The following DNAJC27 variants were observed in gnomAD, a reference collection of about 807,000 sequenced individuals.
DNAJC27 encodes the protein DnaJ heat shock protein family (Hsp40) member C27.
In DNAJC27, 25 loss-of-function variants were observed where a neutral mutation model predicts 31.4. The observed-to-expected ratio is 0.80, with a 90% CI of 0.58 to 1.11. The LOEUF (loss-of-function observed/expected upper bound fraction) is 1.11, where lower values mean the gene tolerates loss of function less well. Ranked by LOEUF, DNAJC27 falls within the 50% of genes most tolerant of loss-of-function variation. The pLI is 0.00. For missense variants in DNAJC27, 356 were observed against 347.3 expected, an observed-to-expected ratio of 1.02 and a Z score of -0.20; for synonymous variants, 106 against 112.7, an observed-to-expected ratio of 0.94 and a Z score of 0.37.
At chr2:24,963,528 C>A in intron 2 of DNAJC27, 54 bp from the exon 3 acceptor site, 2 of 1,422,738 alleles carry the variant, frequency 1.4e-6, no homozygotes, top group South Asian at 1.2e-5. Context: ...TCTCCATTTA[C>A]CTTAATATCA....
rs756103722 is a variant in DNAJC27, at chr2:24,951,486, A to C, written c.597T>G (p.Ala199=). The change falls in exon 6 of 7, where the codon GCT becomes GCG. Residue 199 remains alanine, a synonymous_variant. Transcript: ENST00000264711. ...CATCTGCTTGTTCTTTGGTGAAACT[A>C]GCACTGCTATTGGTGGTAGGGCGTT... ...GGKRPTTNSS[A]SFTKEQADAI... 3.7e-6 allele frequency: 6 copies of C among 1,613,924 alleles called. No homozygotes were observed. The highest frequency in any genetic ancestry group is 5.1e-6 in the Non-Finnish European group (6 of 1,179,876).
intron 5 of DNAJC27, 129 bp from the exon 6 acceptor site, chr2:24,951,683 C>G (rs968433649): frequency 3.6e-6 from 2 of 561,140 alleles, no homozygotes; most frequent in Non-Finnish European, 2.7e-6. Context: ...AGCAAATACA[C>G]ACTTTGGAAG....
At chr2:24,962,306 G>C (rs553207506) in intron 3 of DNAJC27, among the ~76,000 whole-genome samples, 1 of 151,802 alleles carries the variant, frequency 6.6e-6, no homozygotes, top group South Asian at 2.1e-4. Context: ...TTTCACCCAG[G>C]CTGGAGTGAA....
intron 6 of DNAJC27, among the ~76,000 whole-genome samples, chr2:24,950,121 ACT>A (rs1186348915): frequency 6.6e-6 from 1 of 151,514 alleles, no homozygotes; most frequent in Non-Finnish European, 1.5e-5. Context: ...ATCCCGATAA[ACT>A]CTGTGCCCTA....
At chr2:24,949,947 T>G (rs1665727949) in intron 6 of DNAJC27, among the ~76,000 whole-genome samples, 1 of 151,664 alleles carries the variant, frequency 6.6e-6, no homozygotes, top group African/African-American at 2.4e-5. Context: ...TTTTTTTTTT[T>G]TCATAAATGG....
At position 24,958,602 on chromosome 2, in the gene DNAJC27, C is replaced by G. The variant is rs1176192871; in HGVS notation, c.241-628G>C. On this transcript the variant is annotated intron_variant, in intron 3 of 6. Transcript: ENST00000264711. The stretch of plus-strand genomic sequence containing the variant: ...CCTCTCTGCGTCTCAGTTTCCTCAT[C>G]TGTAAAATGGGGATAATACTACTTA... The G allele has an allele frequency of 9.7e-6, 4 of 410,976 alleles. No individual in the cohort carries two copies. In the Admixed American group the frequency reaches 1.0e-4, roughly 11 times the overall value. The allele number at this position is 410,976 out of a possible 1,614,324, so 25.5% of individuals were successfully genotyped here.
rs1010899623 is a variant in DNAJC27 at position 24,944,242 on chromosome 2, G to A, written c.*3374C>T. Reference sequence around the variant, plus strand: ...TGGAATTAGTTGTAAGACGCGCACTGTCACTGTCAAAGGCAACAAGCACAT... The same window carrying A: ...TGGAATTAGTTGTAAGACGCGCACTATCACTGTCAAAGGCAACAAGCACAT... On this transcript the variant is annotated 3_prime_UTR_variant, in exon 7 of 7. Transcript: ENST00000264711. The A allele has an allele frequency of 6.6e-6, 1 of 152,110 alleles. No individual in the cohort carries two copies. Among genetic ancestry groups the A allele is most frequent in the African/African-American group, 2.4e-5 (1 of 41,404 alleles). The allele number at this position is 152,110 out of a possible 1,614,324, so 9.4% of individuals were successfully genotyped here.
chr2:24,969,454 G>A (rs190143167), intron 1 of DNAJC27: 4 of 184,254 alleles, frequency 2.2e-5, no homozygotes, highest in Admixed American at 6.2e-5. Context: ...AACTGTGAAC[G>A]TTGAAAAACC....
Position 24,963,431 on chromosome 2 carries a change from T to C in DNAJC27, c.214A>G (p.Met72Val). 1.9e-6 allele frequency: 3 copies of C among 1,613,936 alleles called. No homozygotes were observed. Among genetic ancestry groups the C allele is most frequent in the Non-Finnish European group, 2.5e-6 (3 of 1,179,854 alleles). Residue 72 changes from methionine (M) to valine (V), a missense_variant, in exon 3 of 7, where the codon ATG becomes GTG. Met to Val is a conservative substitution (Grantham distance 21). Coordinates refer to ENST00000264711, the MANE Select transcript of DNAJC27 (RefSeq NM_016544.3). ...DREIKVNIFD[M>V]AGHPFFYEVR... ...TCATAGAAGAAGGGATGTCCAGCCA[T>C]ATCAAAGATGTTAACTTTGATTTCT...
chr2:24,969,764 C>A (rs1398701752), intron 1 of DNAJC27, among the ~76,000 whole-genome samples: 1 of 152,224 alleles, frequency 6.6e-6, no homozygotes, highest in Non-Finnish European at 1.5e-5. Flanking sequence ...CAGGCGTGAG[C>A]CACTGCGCCC....
At chr2:24,962,971 A>ATCAAGTAGT (rs1666085820) in intron 3 of DNAJC27, 1 of 153,444 alleles carries the variant, frequency 6.5e-6, no homozygotes, top group African/African-American at 2.4e-5. Flanking sequence ...ATGAAAATAA[A>ATCAAGTAGT]TCAAGTAGTT....
At chr2:24,958,061 T>C (rs112617303) in intron 3 of DNAJC27, 87 bp from the exon 4 acceptor site, 15 of 1,247,076 alleles carry the variant, frequency 1.2e-5, no homozygotes, top group Middle Eastern at 2.0e-4. Context: ...GCAAAGTGTG[T>C]TCTTTTGTGT....
chr2:24,969,747 AG>A (rs1484520524), intron 1 of DNAJC27, among the ~76,000 whole-genome samples: 5 of 152,322 alleles, frequency 3.3e-5, no homozygotes, highest in Middle Eastern at 3.4e-3. Flanking sequence ...CCAAAGTGCT[AG>A]AATTACAGGC....
intron 6 of DNAJC27, among the ~76,000 whole-genome samples, chr2:24,948,072 A>G (rs1363185467): frequency 6.6e-6 from 1 of 152,200 alleles, no homozygotes; most frequent in Admixed American, 6.5e-5. Context: ...GATTGAAAGA[A>G]TAAGGGCTTG....
chr2:24,972,057 C>G (rs1666361046), upstream of DNAJC27: 9 of 568,550 alleles, frequency 1.6e-5, no homozygotes, highest in South Asian at 2.3e-4. Context: ...GCAGCAGGCG[C>G]GGGCGGTTGG....
rs1319890734 is a variant in DNAJC27, at chr2:24,957,907, G to A, written c.308C>T (p.Ser103Phe). Reference protein sequence around the residue: ...ILVYDVGQKDSFDALDAWLAE... With the variant: ...ILVYDVGQKDFFDALDAWLAE... ...CAGCCACGCATCAAGGGCGTCAAAG[G>A]AGTCTTTCTGCCCAACATCATAGAC... Residue 103 changes from serine to phenylalanine, a missense_variant, in exon 4 of 7, where the codon TCC becomes TTC. Physicochemically the swap from Ser to Phe is radical, Grantham distance 155. Coordinates refer to ENST00000264711, the MANE Select transcript of DNAJC27 (RefSeq NM_016544.3). 8 of 1,614,112 alleles carry A rather than the reference G, an allele frequency of 5.0e-6. No individual in the cohort carries two copies. Among genetic ancestry groups the A allele is most frequent in the Non-Finnish European group, 5.9e-6 (7 of 1,179,982 alleles).
At chr2:24,972,071 C>G, upstream of DNAJC27, 1 of 507,198 alleles carries the variant, frequency 2.0e-6, no homozygotes, top group South Asian at 2.7e-5. Flanking sequence ...CGGTTGGGAG[C>G]GTGGGGAGCC....
In DNAJC27 at chr2:24,947,547, T is replaced by C. The variant is rs1158191105; in HGVS notation, c.*69A>G. The C allele has an allele frequency of 3.3e-6, 5 of 1,523,498 alleles. No individual in the cohort carries two copies. The highest frequency in any genetic ancestry group is 1.3e-5 in the South Asian group (1 of 79,838). 94.4% of individuals were successfully genotyped at this position (1,523,498 alleles called of 1,614,324 possible). A position where few individuals can be genotyped will look rare whatever the true frequency, so the allele number is the denominator to read the frequency against. On this transcript the variant is annotated 3_prime_UTR_variant, in exon 7 of 7. Coordinates refer to ENST00000264711, the MANE Select transcript of DNAJC27 (RefSeq NM_016544.3). ...AGATTCTGGGAAGGAAAACTCCACG[T>C]TGGTTATTTCACCTCTAGGGAAAGT...
rs370484041 is a variant in DNAJC27, at chr2:24,945,673, AGCCAGTTAAAG to A, written c.*1932_*1942del. On this transcript the variant is annotated 3_prime_UTR_variant, in exon 7 of 7. Coordinates refer to ENST00000264711, the MANE Select transcript of DNAJC27 (RefSeq NM_016544.3). ...TGGGTTGGAGTTCTGTAGCCTCAGA[AGCCAGTTAAAG>A]GCCAGAGGAAAACCTCGCAAGAAAT... 9.6e-4 allele frequency: 147 copies of A among 152,362 alleles called. 1 individual carries two copies. The highest frequency in any genetic ancestry group is 3.2e-3 in the African/African-American group (131 of 41,580). 9.4% of individuals were successfully genotyped at this position (152,362 alleles called of 1,614,324 possible). A position where few individuals can be genotyped will look rare whatever the true frequency, so the allele number is the denominator to read the frequency against.
Sources: gnomAD v4.1 joint callset for allele counts (sites outside exome capture counted in the v4.1 genomes callset) on GRCh38, gnomAD v4.1.1 for gene constraint, MANE v1.5 for transcripts, NCBI Gene and HGNC (gene_info 2026-07-23, HGNC 2026-07-21) for gene names.